Variants in RNF212 observed in about 807,000 individuals in gnomAD.
RNF212 encodes probable E3 SUMO-protein ligase RNF212.
A neutral mutation model predicts 34.7 loss-of-function variants in RNF212; 33 were observed. The ratio of observed to expected loss-of-function variants is 0.95; its 90% CI spans 0.72 to 1.27. The LOEUF (loss-of-function observed/expected upper bound fraction) is 1.27. Ranked by LOEUF, RNF212 falls within the 50% of genes most tolerant of loss-of-function variation. The pLI is 0.00. For synonymous variants in RNF212, 140 were observed against 136.1 expected (o/e 1.03, Z -0.20); for missense variants, 377 against 362.2 (o/e 1.04, Z -0.33).
intron 2 of RNF212, among the ~76,000 whole-genome samples, chr4:1,101,929 C>T (rs1450001977): frequency 6.6e-6 from 1 of 152,164 alleles, no homozygotes; most frequent in African/African-American, 2.4e-5. Flanking sequence ...CTCACAGAAA[C>T]TGTAACTAAA....
At chr4:1,081,265 GATGAA>G (rs1396752284) in intron 7 of RNF212, among the ~76,000 whole-genome samples, 149 bp downstream of exon 7, 2 of 148,640 alleles carry the variant, frequency 1.3e-5, no homozygotes, top group Non-Finnish European at 3.0e-5. Context: ...CTCGCAGGGA[GATGAA>G]ATAAGTACCA....
At chr4:1,082,667 T>A (rs540343480) in intron 5 of RNF212, among the ~76,000 whole-genome samples, 1 of 152,194 alleles carries the variant, frequency 6.6e-6, no homozygotes, top group Non-Finnish European at 1.5e-5. Flanking sequence ...CGGCCCGACA[T>A]ACAAGTTCAC....
chr4:1,094,160 C>T, intron 3 of RNF212: 1 of 1,093,064 alleles, frequency 9.1e-7, no homozygotes, highest in East Asian at 2.6e-5. Context: ...GCCTCAGATC[C>T]TGGCTGCCCC....
chr4:1,109,483 G>A (rs562910231), intron 1 of RNF212, among the ~76,000 whole-genome samples: 2 of 152,274 alleles, frequency 1.3e-5, no homozygotes, highest in South Asian at 2.1e-4. Flanking sequence ...CAAGCCCGGT[G>A]GCTTTGTCCC....
chr4:1,094,102 C>A, intron 3 of RNF212: 1 of 1,434,018 alleles, frequency 7.0e-7, no homozygotes, highest in Non-Finnish European at 9.2e-7. Flanking sequence ...CCTGAAGGCA[C>A]AAGCCCATGA....
At chr4:1,090,923 G>C (rs970345535) in intron 3 of RNF212, 85 bp from the exon 4 acceptor site, 11 of 820,858 alleles carry the variant, frequency 1.3e-5, no homozygotes, top group Middle Eastern at 3.1e-4. Flanking sequence ...GAGGCTGGAG[G>C]GACTCTCAGG....
intron 1 of RNF212, 73 bp from the exon 2 acceptor site, chr4:1,108,477 C>A (rs1013325185): frequency 1.4e-6 from 1 of 722,040 alleles, no homozygotes; most frequent in South Asian, 3.2e-5. Flanking sequence ...GCAGACTTTA[C>A]AATGTTTCTC....
rs1382568885 is a variant in RNF212, at chr4:1,058,338, G to A, written n.203C>T. On this transcript the variant is annotated non_coding_transcript_exon_variant, in exon 4 of 5. Transcript: ENST00000503206. Reference sequence around the variant, plus strand: ...GGCACTACCTGAGAGGCTTTCCCATGCTCCTCTGACTCGTTGTCAGGCCGG... The same window carrying A: ...GGCACTACCTGAGAGGCTTTCCCATACTCCTCTGACTCGTTGTCAGGCCGG... 1.0e-5 allele frequency: 10 copies of A among 985,104 alleles called. 1 individual carries two copies. The highest frequency in any genetic ancestry group is 1.1e-5 in the Non-Finnish European group (9 of 827,618). The allele number at this position is 985,104 out of a possible 1,614,324, so 61.0% of individuals were successfully genotyped here.
downstream of RNF212, among the ~76,000 whole-genome samples, chr4:1,070,589 G>A (rs1304386127): frequency 1.3e-5 from 2 of 149,934 alleles, no homozygotes; most frequent in South Asian, 4.3e-4. Context: ...CTGTGTCAGC[G>A]TGGATGCCTG....
At chr4:1,081,657 A>T (rs1457751429) in intron 5 of RNF212, 38 bp from the exon 6 acceptor site, 1 of 1,437,678 alleles carries the variant, frequency 7.0e-7, no homozygotes, top group Non-Finnish European at 9.8e-7. Context: ...TTAAATCATA[A>T]AAACTGACTT....
At chr4:1,073,991 A>T (rs1471830292) in intron 8 of RNF212, among the ~76,000 whole-genome samples, 1 of 152,182 alleles carries the variant, frequency 6.6e-6, no homozygotes, top group Non-Finnish European at 1.5e-5. Context: ...AGAATGTGAA[A>T]TTCTGAGTAA....
intron 5 of RNF212, among the ~76,000 whole-genome samples, chr4:1,084,105 C>A (rs1378772322): frequency 2.0e-5 from 3 of 152,142 alleles, no homozygotes; most frequent in Non-Finnish European, 4.4e-5. Flanking sequence ...TGCACCAACA[C>A]ATCTGGCTAA....
intron 2 of RNF212, among the ~76,000 whole-genome samples, chr4:1,107,550 A>C (rs748570007): frequency 1.3e-5 from 2 of 150,212 alleles, no homozygotes; most frequent in African/African-American, 2.5e-5. Flanking sequence ...TCCCGGGTTC[A>C]CGCATTCTCC....
intron 8 of RNF212, among the ~76,000 whole-genome samples, chr4:1,075,930 A>G (rs1719222218): frequency 1.3e-5 from 2 of 152,092 alleles, no homozygotes; most frequent in Non-Finnish European, 1.5e-5. Flanking sequence ...CCAAAGTGTT[A>G]GGATTACAGG....
At chr4:1,084,039 C>T (rs546040923) in intron 5 of RNF212, among the ~76,000 whole-genome samples, 1 of 151,056 alleles carries the variant, frequency 6.6e-6, no homozygotes, top group South Asian at 2.1e-4. Context: ...ACCTCTGCCT[C>T]CCAAGTTCAA....
intron 8 of RNF212, among the ~76,000 whole-genome samples, chr4:1,077,925 G>A (rs1463773815): frequency 1.3e-5 from 2 of 152,186 alleles, no homozygotes; most frequent in Admixed American, 6.5e-5. Context: ...TGGCAGAGGT[G>A]AGCTGGGCAG....
intron 3 of RNF212, chr4:1,093,811 G>T: frequency 6.5e-7 from 1 of 1,536,264 alleles, no homozygotes; most frequent in Non-Finnish European, 8.7e-7. Context: ...GGTGAGGTGC[G>T]TCCTGGATGG....
chr4:1,113,586 G>T, upstream of RNF212: 1 of 685,088 alleles, frequency 1.5e-6, no homozygotes, highest in Non-Finnish European at 2.2e-6. Context: ...GTCGACGGCA[G>T]CCCTGCGCCC....
intron 3 of RNF212, among the ~76,000 whole-genome samples, chr4:1,094,256 G>T (rs569697468): frequency 6.6e-6 from 1 of 152,174 alleles, no homozygotes; most frequent in Non-Finnish European, 1.5e-5. Context: ...GAAGTGCAGG[G>T]CGGGGGCCAG....
Sources: gnomAD v4.1 joint callset for allele counts (sites outside exome capture counted in the v4.1 genomes callset) on GRCh38, gnomAD v4.1.1 for gene constraint, MANE v1.5 for transcripts, NCBI Gene and HGNC (gene_info 2026-07-23, HGNC 2026-07-21) for gene names.